Variants in ELP1 observed in about 807,000 individuals in gnomAD.
ELP1 encodes elongator acetyltransferase complex subunit 1.
ELP1 carries 131 observed loss-of-function variants against 183.2 expected under a neutral mutation model. The ratio of observed to expected loss-of-function variants is 0.72; its 90% CI spans 0.62 to 0.83. The LOEUF (loss-of-function observed/expected upper bound fraction) is 0.83, where lower values mean the gene tolerates loss of function less well. Ranked by LOEUF, ELP1 falls within the 40% of genes least tolerant of loss-of-function variation. The pLI, the probability that ELP1 is intolerant of heterozygous loss-of-function variation, is 0.00. For missense variants in ELP1, 1,550 were observed against 1,594.9 expected, an observed-to-expected ratio of 0.97 and a Z score of 0.48; for synonymous variants, 555 against 569.0, an observed-to-expected ratio of 0.98 and a Z score of 0.35.
At position 108,880,056 on chromosome 9, in the gene ELP1, A is replaced by G. The variant is rs746303238; in HGVS notation, c.3456T>C (p.Gly1152=). 77 of 1,609,258 alleles carry G rather than the reference A, an allele frequency of 4.8e-5. No homozygotes were observed. The highest frequency in any genetic ancestry group is 6.1e-5 in the Non-Finnish European group (72 of 1,175,706). The change falls in exon 32 of 37, where the codon GGT becomes GGC. Residue 1152 remains glycine (G), a synonymous_variant. Coordinates refer to ENST00000374647, the MANE Select transcript of ELP1 (RefSeq NM_003640.5). ...RELKEQAQQA[G]LDDEVPHGQE... The stretch of plus-strand genomic sequence containing the variant: ...GGCCTTCACGCAGATACTCACCCAG[A>G]CCTGCCTGCTGGGCTTGCTCCTTGA...
At chr9:108,923,472 C>A (rs557894954) in intron 5 of ELP1, among the ~76,000 whole-genome samples, 1 of 152,324 alleles carries the variant, frequency 6.6e-6, no homozygotes, top group South Asian at 2.1e-4. Context: ...TTACTGCCAT[C>A]TTACATATTC....
chr9:108,889,702 G>C, intron 28 of ELP1: 1 of 411,220 alleles, frequency 2.4e-6, no homozygotes, highest in South Asian at 2.3e-5. Flanking sequence ...CTATTTCTTT[G>C]GTTGAGCACT....
chr9:108,896,144 C>G (rs1230402416), intron 25 of ELP1, among the ~76,000 whole-genome samples: 1 of 152,070 alleles, frequency 6.6e-6, no homozygotes, highest in East Asian at 1.9e-4. Context: ...GTAGTCCCAG[C>G]TACTAGAGAG....
In ELP1 at chr9:108,882,137, T is replaced by G. The variant is rs560928595; in HGVS notation, c.3273A>C (p.Glu1091Asp). The change falls in exon 30 of 37, where the codon GAA (glutamate) becomes GAC (aspartate). Residue 1091 changes from glutamate (E) to aspartate (D), a missense_variant. Coordinates refer to ENST00000374647, the MANE Select transcript of ELP1 (RefSeq NM_003640.5). The stretch of plus-strand genomic sequence containing the variant: ...ACAAGATTCTTACCAGCCTCAAAGC[T>G]TCTTCCCAGGCAGCTCCTTCTAACA... ...LLLLEGAAWE[E>D]ALRLVYKYNR... is the part of the protein sequence containing the mutation. 6.2e-7 allele frequency: 1 copy of G among 1,613,638 alleles called. No homozygotes were observed. Among genetic ancestry groups the G allele is most frequent in the East Asian group, 2.2e-5 (1 of 44,864 alleles).
In ELP1 at chr9:108,908,335, A is replaced by G. The variant is rs1829092973; in HGVS notation, c.1430T>C (p.Leu477Pro). ...TCTCTTTTCCAAATGAGGAGTTCTAAGGCAAACTTTAAATCCACTTCCACC... is the reference window on the plus strand; with the variant it reads ...TCTCTTTTCCAAATGAGGAGTTCTAGGGCAAACTTTAAATCCACTTCCACC... ...AVGGSGFKVC[L>P]RTPHLEKRYK... Residue 477 changes from leucine to proline, a missense_variant, in exon 13 of 37, where the codon CTT becomes CCT. Coordinates refer to ENST00000374647, the MANE Select transcript of ELP1 (RefSeq NM_003640.5). 1 of 1,613,988 alleles carries G rather than the reference A, an allele frequency of 6.2e-7. No homozygotes were observed.
At chr9:108,917,753 G>C (rs1829502076) in intron 8 of ELP1, 83 bp from the exon 9 acceptor site, 1 of 1,414,350 alleles carries the variant, frequency 7.1e-7, no homozygotes. Flanking sequence ...TTTTTTTCCA[G>C]CAAACATGAA....
At chr9:108,932,111 A>T (rs1830019646) in intron 1 of ELP1, among the ~76,000 whole-genome samples, 1 of 152,196 alleles carries the variant, frequency 6.6e-6, no homozygotes, top group Admixed American at 6.5e-5. Context: ...GACTTCTCTC[A>T]TCTTGGCACC....
At chr9:108,889,535 C>G (rs756405049) in intron 28 of ELP1, 142 bp from the exon 29 acceptor site, 49 of 756,206 alleles carry the variant, frequency 6.5e-5, no homozygotes, top group Non-Finnish European at 1.1e-4. Flanking sequence ...ACCACAGAGT[C>G]CTATCTTAAA....
chr9:108,930,461 CA>C, intron 2 of ELP1, among the ~76,000 whole-genome samples: 1 of 152,260 alleles, frequency 6.6e-6, no homozygotes, highest in East Asian at 1.9e-4. Flanking sequence ...GGCGCTGAGG[CA>C]GGCGGATCAC....
intron 29 of ELP1, among the ~76,000 whole-genome samples, chr9:108,889,104 C>T (rs188959841): frequency 2.6e-5 from 4 of 152,304 alleles, no homozygotes; most frequent in African/African-American, 7.2e-5. Flanking sequence ...CAAGGTCAAA[C>T]CAGTGGTATG....
At chr9:108,870,197 G>C (rs1157337119) in intron 36 of ELP1, among the ~76,000 whole-genome samples, 1 of 151,968 alleles carries the variant, frequency 6.6e-6, no homozygotes, top group East Asian at 1.9e-4. Context: ...AAAACTCCTG[G>C]TCTCGTTCCA....
In ELP1 at chr9:108,895,384, CT is replaced by C. The variant is rs776949393; in HGVS notation, c.2736+1111del. On this transcript the variant is annotated intron_variant, in intron 25 of 36. Transcript: ENST00000374647. ...ACTGGGAAGAGGCCACCTTGGCATC[CT>C]TTAACCTAGATTAGTGAGAATTAGC... Among the ~76,000 whole-genome samples, 177 of 152,242 alleles carry C rather than the reference CT, an allele frequency of 1.2e-3. 1 individual carries two copies. Among genetic ancestry groups the C allele is most frequent in the Admixed American group, 5.2e-3 (79 of 15,300 alleles).
chr9:108,905,276 G>A (rs1464822235), intron 14 of ELP1, among the ~76,000 whole-genome samples: 8 of 152,180 alleles, frequency 5.3e-5, no homozygotes, highest in African/African-American at 1.9e-4. Context: ...CTCACCAGTA[G>A]GGCTTTAATT....
At position 108,900,573 on chromosome 9, in the gene ELP1, G is replaced by C. The variant is rs376779071; in HGVS notation, c.2015-198C>G. The stretch of plus-strand genomic sequence containing the variant: ...CCTGGAACTTGCCCTCTCTCTTACA[G>C]AGCCCTCATGCACATTCACATACAC... On this transcript the variant is annotated intron_variant, in intron 18 of 36. Transcript: ENST00000374647. Among the ~76,000 whole-genome samples the C allele has an allele frequency of 3.3e-5, 5 of 152,272 alleles. 1 individual carries two copies. Among genetic ancestry groups the C allele is most frequent in the African/African-American group, 1.2e-4 (5 of 41,556 alleles).
chr9:108,900,130 C>A, intron 19 of ELP1, 130 bp downstream of exon 19: 1 of 822,354 alleles, frequency 1.2e-6, no homozygotes, highest in East Asian at 2.6e-5. Flanking sequence ...TAACAGAAAA[C>A]TATCAAGGAA....
chr9:108,891,443 G>A, intron 27 of ELP1, 39 bp from the exon 28 acceptor site: 1 of 1,578,204 alleles, frequency 6.3e-7, no homozygotes, highest in Non-Finnish European at 8.7e-7. Flanking sequence ...GAGGAAATAT[G>A]ACAATCATTT....
At chr9:108,932,465 C>T (rs1377426735) in intron 1 of ELP1, among the ~76,000 whole-genome samples, 10 of 152,222 alleles carry the variant, frequency 6.6e-5, no homozygotes, top group Admixed American at 6.5e-4. Flanking sequence ...CCTCAGCCTC[C>T]GGAGTAGCTG....
At chr9:108,907,958 A>G (rs150838715) in intron 13 of ELP1, among the ~76,000 whole-genome samples, 2 of 152,320 alleles carry the variant, frequency 1.3e-5, no homozygotes, top group African/African-American at 4.8e-5. Context: ...TAGGTCATCC[A>G]TGTTAACAAC....
chr9:108,916,538 C>T (rs1369609232), intron 9 of ELP1, among the ~76,000 whole-genome samples: 1 of 151,808 alleles, frequency 6.6e-6, no homozygotes, highest in African/African-American at 2.4e-5. Flanking sequence ...AGAAACTTAA[C>T]CAAATACAAG....
Sources: allele counts gnomAD v4.1 joint callset (sites outside exome capture counted in the v4.1 genomes callset), GRCh38; gene constraint gnomAD v4.1.1; transcripts MANE v1.5; gene names NCBI Gene and HGNC (gene_info 2026-07-23, HGNC 2026-07-21).